The following MECOM variants were observed in gnomAD, a reference collection of about 807,000 sequenced individuals.
The protein encoded by MECOM is histone-lysine N-methyltransferase MECOM.
A neutral mutation model predicts 116.3 loss-of-function variants in MECOM; 13 were observed. That is an observed-to-expected ratio of 0.11 (90% CI 0.07 to 0.18). The LOEUF (loss-of-function observed/expected upper bound fraction) is 0.18, where lower values mean the gene tolerates loss of function less well. MECOM is among the 10% of genes least tolerant of loss of function. MECOM has a pLI of 1.00. For missense variants in MECOM, 1,299 were observed against 1,509.0 expected (o/e 0.86, Z 2.31); for synonymous variants, 528 against 535.2 (o/e 0.99, Z 0.19).
At chr3:169,091,508 C>T (rs1055221667) in intron 14 of MECOM, among the ~76,000 whole-genome samples, 2 of 152,076 alleles carry the variant, frequency 1.3e-5, no homozygotes, top group Non-Finnish European at 2.9e-5. Flanking sequence ...TTCAACAGTT[C>T]TTATTTGCAT....
intron 2 of MECOM, among the ~76,000 whole-genome samples, chr3:169,366,750 G>A (rs779681787): frequency 1.1e-4 from 17 of 152,116 alleles, no homozygotes; most frequent in East Asian, 3.9e-4. Context: ...AACCAGTGAG[G>A]TTTCATTGCC....
chr3:169,383,395 G>C (rs1577935891), intron 1 of MECOM, among the ~76,000 whole-genome samples: 1 of 152,014 alleles, frequency 6.6e-6, no homozygotes, highest in East Asian at 1.9e-4. Flanking sequence ...TGATTCTCTT[G>C]TTCACTTTCC....
intron 1 of MECOM, among the ~76,000 whole-genome samples, chr3:169,432,290 C>T (rs144116114): frequency 0.043 from 6,531 of 152,048 alleles, 448 homozygotes; most frequent in Admixed American, 0.19. Context: ...TCCTGAGTAG[C>T]TGGGATTACA....
At chr3:169,197,151 C>A (rs1370027851) in intron 2 of MECOM, among the ~76,000 whole-genome samples, 2 of 151,614 alleles carry the variant, frequency 1.3e-5, no homozygotes, top group Non-Finnish European at 2.9e-5. Flanking sequence ...CTATAGACAC[C>A]AGGACGCACT....
rs572015266 is a variant in MECOM at position 169,610,053 on chromosome 3, TG to T, written c.37+53282del. On this transcript the variant is annotated intron_variant, in intron 1 of 16. Coordinates refer to ENST00000651503, the MANE Select transcript of MECOM (RefSeq NM_004991.4). ...GAAATCATTTTCTATTCTGAACCCTTGGAATACTTTATTTGTACTCTTATAA... is the reference window on the plus strand; with the variant it reads ...GAAATCATTTTCTATTCTGAACCCTTGAATACTTTATTTGTACTCTTATAA... Among the ~76,000 whole-genome samples the T allele has an allele frequency of 4.8e-3, 727 of 152,310 alleles. 2 individuals are homozygous for T. The highest frequency in any genetic ancestry group is 8.2e-3 in the Non-Finnish European group (557 of 68,010).
chr3:169,582,827 T>G (rs1175530183), intron 1 of MECOM, among the ~76,000 whole-genome samples: 2 of 152,246 alleles, frequency 1.3e-5, no homozygotes, highest in Non-Finnish European at 2.9e-5. Context: ...CCTGTGGGAC[T>G]GACTATTCAT....
chr3:169,121,121 G>A lies in MECOM; in HGVS notation c.1067C>T (p.Thr356Met), dbSNP rs202240336. The A allele has an allele frequency of 1.9e-6, 3 of 1,613,652 alleles. No homozygotes were observed. Among genetic ancestry groups the A allele is most frequent in the South Asian group, 1.1e-5 (1 of 90,926 alleles). ...TTTGAGGCCCGACGAAGTGGCAAACGTTTTGCCACACTCCGGGCATGCATG... is the reference window on the plus strand; with the variant it reads ...TTTGAGGCCCGACGAAGTGGCAAACATTTTGCCACACTCCGGGCATGCATG... ...RAHACPECGK[T>M]FATSSGLKQH... The change falls in exon 7 of 17, where the codon ACG becomes ATG. Residue 356 changes from threonine (T) to methionine (M), a missense_variant. Around this residue, in one of 6 missense-constraint regions of MECOM, gnomAD observed 42 missense variants for 103.9 expected, o/e 0.40. Coordinates refer to ENST00000651503, the MANE Select transcript of MECOM (RefSeq NM_004991.4).
intron 2 of MECOM, among the ~76,000 whole-genome samples, chr3:169,178,419 G>A (rs112820771): frequency 3.9e-5 from 6 of 152,286 alleles, no homozygotes; most frequent in African/African-American, 1.2e-4. Flanking sequence ...GAGCAGAGTC[G>A]AGGAATCATC....
At chr3:169,402,655 CA>C (rs907004422) in intron 1 of MECOM, among the ~76,000 whole-genome samples, 8 of 145,572 alleles carry the variant, frequency 5.5e-5, no homozygotes, top group Admixed American at 2.7e-4. Context: ...GACTCTGTCT[CA>C]AAAAAAAAAG....
At chr3:169,417,763 G>A (rs1578038460) in intron 1 of MECOM, among the ~76,000 whole-genome samples, 1 of 152,010 alleles carries the variant, frequency 6.6e-6, no homozygotes, top group African/African-American at 2.4e-5. Context: ...ATACACCATG[G>A]AATACTATGC....
At chr3:169,662,765 C>T (rs935163624) in intron 1 of MECOM, among the ~76,000 whole-genome samples, 12 of 152,166 alleles carry the variant, frequency 7.9e-5, no homozygotes, top group South Asian at 6.2e-4. Context: ...TTTCCCAAGT[C>T]CACCACAGCC....
chr3:169,301,515 T>A (rs1331672008), intron 2 of MECOM, among the ~76,000 whole-genome samples: 1 of 152,100 alleles, frequency 6.6e-6, no homozygotes, highest in Non-Finnish European at 1.5e-5. Context: ...TTCAACACCA[T>A]CCCCAAACAA....
At chr3:169,165,155 C>T (rs528797728) in intron 2 of MECOM, among the ~76,000 whole-genome samples, 13 of 152,142 alleles carry the variant, frequency 8.5e-5, no homozygotes, top group Non-Finnish European at 1.3e-4. Flanking sequence ...TACATGTCAT[C>T]GGAAAGATCT....
At chr3:169,484,485 G>A (rs1160483244) in intron 1 of MECOM, among the ~76,000 whole-genome samples, 2 of 152,040 alleles carry the variant, frequency 1.3e-5, no homozygotes, top group Non-Finnish European at 2.9e-5. Context: ...CATTTAAAAA[G>A]ATGCTCTGCC....
chr3:169,104,471 T>A (rs1483987607), intron 10 of MECOM, among the ~76,000 whole-genome samples: 1 of 152,192 alleles, frequency 6.6e-6, no homozygotes, highest in East Asian at 1.9e-4. Context: ...TGATTAGTAC[T>A]ACTAACAAGC....
intron 1 of MECOM, among the ~76,000 whole-genome samples, chr3:169,542,926 A>G (rs931609180): frequency 1.3e-5 from 2 of 152,238 alleles, no homozygotes; most frequent in African/African-American, 4.8e-5. Context: ...CTGACAATTG[A>G]GGCAGCTTGG....
intron 2 of MECOM, among the ~76,000 whole-genome samples, chr3:169,309,924 T>A (rs1718434908): frequency 6.6e-6 from 1 of 152,178 alleles, no homozygotes; most frequent in African/African-American, 2.4e-5. Context: ...TAGAAGCAGC[T>A]ATTGTGATCA....
intron 2 of MECOM, among the ~76,000 whole-genome samples, chr3:169,148,139 T>A (rs1740469235): frequency 6.6e-6 from 1 of 152,310 alleles, no homozygotes; most frequent in East Asian, 1.9e-4. Context: ...TATTTTAAAA[T>A]CTGAAAAATT....
intron 2 of MECOM, among the ~76,000 whole-genome samples, chr3:169,226,414 T>G (rs1577396064): frequency 6.6e-6 from 1 of 152,222 alleles, no homozygotes; most frequent in East Asian, 1.9e-4. Flanking sequence ...ATTTTATCTA[T>G]TTAAACTTTG....
Sources: allele counts gnomAD v4.1 joint callset (sites outside exome capture counted in the v4.1 genomes callset), GRCh38; gene constraint gnomAD v4.1.1; regional missense constraint gnomAD v4.1.1; transcripts MANE v1.5; gene names NCBI Gene and HGNC (gene_info 2026-07-23, HGNC 2026-07-21).